Variants in OPCML observed in about 807,000 individuals in gnomAD.
OPCML encodes opioid binding protein/cell adhesion molecule like, also known as opioid-binding protein/cell adhesion molecule.
A neutral mutation model predicts 37.8 loss-of-function variants in OPCML; 13 were observed. The observed-to-expected ratio is 0.34, with a 90% CI of 0.22 to 0.55. OPCML has a LOEUF of 0.55. OPCML is among the 20% of genes least tolerant of loss of function. The pLI, the probability that OPCML is intolerant of heterozygous loss-of-function variation, is 0.91. For missense variants in OPCML, 341 were observed against 435.6 expected (o/e 0.78, Z 1.93); for synonymous variants, 176 against 168.8 (o/e 1.04, Z -0.33).
intron 3 of OPCML, among the ~76,000 whole-genome samples, chr11:132,641,533 C>T (rs559717379): frequency 4.6e-5 from 7 of 152,160 alleles, no homozygotes; most frequent in African/African-American, 9.7e-5. Flanking sequence ...AATGGCCTGG[C>T]CTTAATTGCA....
At chr11:132,643,243 C>G (rs937879963) in intron 3 of OPCML, among the ~76,000 whole-genome samples, 1 of 152,214 alleles carries the variant, frequency 6.6e-6, no homozygotes, top group Non-Finnish European at 1.5e-5. Flanking sequence ...TGCCGCTGCA[C>G]TCCAGCCTGG....
chr11:133,171,302 C>G (rs1191117964), intron 1 of OPCML, among the ~76,000 whole-genome samples: 2 of 152,172 alleles, frequency 1.3e-5, no homozygotes, highest in Non-Finnish European at 2.9e-5. Context: ...CGACCCTCTT[C>G]TTGTCCACTT....
chr11:132,552,758 C>T (rs1247838062), intron 3 of OPCML, among the ~76,000 whole-genome samples: 3 of 77,936 alleles, frequency 3.8e-5, no homozygotes, highest in African/African-American at 8.5e-5. Flanking sequence ...AAATTAAACA[C>T]TACTCTTTTT....
intron 1 of OPCML, among the ~76,000 whole-genome samples, chr11:133,146,979 G>A (rs1019527815): frequency 3.3e-5 from 5 of 152,192 alleles, no homozygotes; most frequent in African/African-American, 1.2e-4. Context: ...TCCCCTGCAA[G>A]CTTCCCCTCT....
At chr11:132,614,223 G>A (rs928666805) in intron 3 of OPCML, among the ~76,000 whole-genome samples, 8 of 151,952 alleles carry the variant, frequency 5.3e-5, no homozygotes, top group African/African-American at 1.7e-4. Flanking sequence ...TGCTGGATTT[G>A]GTCTGTTTTT....
At chr11:132,795,979 T>C (rs1489956761) in intron 2 of OPCML, among the ~76,000 whole-genome samples, 2 of 152,208 alleles carry the variant, frequency 1.3e-5, no homozygotes, top group Non-Finnish European at 2.9e-5. Flanking sequence ...CCTGAACATG[T>C]ACAGACTTAT....
chr11:132,797,678 C>G (rs971220710), intron 2 of OPCML, among the ~76,000 whole-genome samples: 1 of 152,120 alleles, frequency 6.6e-6, no homozygotes, highest in East Asian at 1.9e-4. Flanking sequence ...AATGTACATG[C>G]CTTAATTTAA....
At chr11:133,398,914 A>ATAGATTTTT (rs1945343221) in intron 1 of OPCML, among the ~76,000 whole-genome samples, 1 of 152,194 alleles carries the variant, frequency 6.6e-6, no homozygotes, top group East Asian at 1.9e-4. Flanking sequence ...AAAAATCCCA[A>ATAGATTTTT]AGAACATAGA....
At chr11:132,482,045 C>T (rs1303090032) in intron 4 of OPCML, among the ~76,000 whole-genome samples, 2 of 149,828 alleles carry the variant, frequency 1.3e-5, no homozygotes, top group African/African-American at 4.9e-5. Context: ...CAAAAGCTAA[C>T]AGAAGGCAAG....
In OPCML at chr11:132,942,964, G is replaced by C; in HGVS notation, c.108C>G (p.Asp36Glu). Reference sequence around the variant, plus strand: ...TCTCCCCCTGCCGGACCGTCACGTTGTCCATAGCTTTGGGGAAGGTGGCAT... The same window carrying C: ...TCTCCCCCTGCCGGACCGTCACGTTCTCCATAGCTTTGGGGAAGGTGGCAT... ...SGDATFPKAMDNVTVRQGESA... is the reference protein window; with the variant it reads ...SGDATFPKAMENVTVRQGESA... The change falls in exon 2 of 8, where the codon GAC becomes GAG. Residue 36 changes from aspartate to glutamate, a missense_variant. Asp to Glu is a conservative substitution (Grantham distance 45). Transcript: ENST00000524381. The C allele has an allele frequency of 6.2e-7, 1 of 1,614,110 alleles. No individual in the cohort carries two copies. The highest frequency in any genetic ancestry group is 1.3e-5 in the African/African-American group (1 of 75,028).
intron 2 of OPCML, among the ~76,000 whole-genome samples, chr11:132,764,390 T>A (rs1946369169): frequency 6.6e-6 from 1 of 152,140 alleles, no homozygotes; most frequent in Admixed American, 6.5e-5. Flanking sequence ...GGGGAAGTAA[T>A]CTTCCCTAAG....
At chr11:133,381,809 T>A (rs1022016056) in intron 1 of OPCML, among the ~76,000 whole-genome samples, 4 of 152,256 alleles carry the variant, frequency 2.6e-5, no homozygotes, top group Admixed American at 6.5e-5. Flanking sequence ...ACACTTTATG[T>A]GGACACATTC....
chr11:133,411,254 G>A (rs887253639), intron 1 of OPCML, among the ~76,000 whole-genome samples: 1 of 152,130 alleles, frequency 6.6e-6, no homozygotes, highest in South Asian at 2.1e-4. Context: ...GAGCTCAGGG[G>A]GGTACAGGCT....
intron 3 of OPCML, among the ~76,000 whole-genome samples, chr11:132,531,318 C>T (rs935598736): frequency 2.0e-5 from 3 of 152,194 alleles, no homozygotes; most frequent in African/African-American, 7.2e-5. Context: ...AGGAAGATAA[C>T]ACAGAGAGTG....
chr11:133,350,795 A>C (rs904375635), intron 1 of OPCML, among the ~76,000 whole-genome samples: 1 of 152,218 alleles, frequency 6.6e-6, no homozygotes, highest in African/African-American at 2.4e-5. Context: ...TACACACTTG[A>C]TGACAGGCAG....
chr11:132,982,426 G>A (rs1458377789), intron 1 of OPCML, among the ~76,000 whole-genome samples: 2 of 151,482 alleles, frequency 1.3e-5, no homozygotes, highest in African/African-American at 4.9e-5. Context: ...GGCTCTTTAG[G>A]TGTCCAGAAA....
intron 2 of OPCML, among the ~76,000 whole-genome samples, chr11:132,698,908 T>C (rs566816586): frequency 2.6e-5 from 4 of 152,238 alleles, no homozygotes; most frequent in South Asian, 4.1e-4. Context: ...AAAAATGCCA[T>C]TGATATTTTG....
rs76772497 is a variant in OPCML at position 132,429,203 on chromosome 11, C to A, written c.916+6883G>T. 4.8e-3 allele frequency among the ~76,000 whole-genome samples: 734 copies of A among 152,210 alleles called. 7 individuals are homozygous for A. Among genetic ancestry groups the A allele is most frequent in the African/African-American group, 0.017 (694 of 41,534 alleles). The stretch of plus-strand genomic sequence containing the variant: ...CTATAAGGCTACGCTGATCTCACAG[C>A]GAGAACAGCCTTAATGCCAAGCTGT... On this transcript the variant is annotated intron_variant, in intron 7 of 7. Coordinates refer to ENST00000524381, the MANE Select transcript of OPCML (RefSeq NM_001012393.5).
In OPCML at chr11:133,281,188, T is replaced by C. The variant is rs143215753; in HGVS notation, c.61+251076A>G. The stretch of plus-strand genomic sequence containing the variant: ...ACCATGGGTCCATCTGATATGGTGA[T>C]ATGGTTTGGATATTTGTCGCCTCCA... On this transcript the variant is annotated intron_variant, in intron 1 of 7. Coordinates refer to ENST00000524381, the MANE Select transcript of OPCML (RefSeq NM_001012393.5). Among the ~76,000 whole-genome samples the C allele has an allele frequency of 2.3e-4, 35 of 152,304 alleles. No individual in the cohort carries two copies. The East Asian group carries it at 4.8e-3, about 21-fold the overall frequency.
Sources: allele counts gnomAD v4.1 joint callset (sites outside exome capture counted in the v4.1 genomes callset), GRCh38; gene constraint gnomAD v4.1.1; transcripts MANE v1.5; gene names NCBI Gene and HGNC (gene_info 2026-07-23, HGNC 2026-07-21).